DIAPH2: variants seen among roughly 807,000 people sequenced by gnomAD.
DIAPH2 encodes diaphanous related formin 2.
Under a neutral mutation model 92.7 loss-of-function variants are expected in DIAPH2, and 35 were observed. The observed-to-expected ratio is 0.38, with a 90% CI of 0.29 to 0.50. DIAPH2 has a LOEUF of 0.50. Ranked by LOEUF, DIAPH2 falls within the 20% of genes least tolerant of loss-of-function variation. DIAPH2 has a pLI of 0.94. For missense variants in DIAPH2, 701 were observed against 819.5 expected (o/e 0.86, Z 1.77); for synonymous variants, 301 against 280.4 (o/e 1.07, Z -0.73).
chrX:96,951,423 C>T (rs2065774218), intron 15 of DIAPH2, among the ~76,000 whole-genome samples: 1 of 111,693 alleles, frequency 9.0e-6, no homozygotes, highest in Non-Finnish European at 1.9e-5. Context: ...GCATAGACAC[C>T]TTGAGGACAG....
intron 1 of DIAPH2, among the ~76,000 whole-genome samples, chrX:96,718,358 T>TTTTTTTTTG: frequency 1.4e-5 from 1 of 69,416 alleles, no homozygotes; most frequent in Non-Finnish European, 2.8e-5. Flanking sequence ...TTTTTTTTTT[T>TTTTTTTTTG]TTTTTTTTTT....
At chrX:97,414,106 A>G (rs2069912065) in intron 25 of DIAPH2, among the ~76,000 whole-genome samples, 1 of 111,927 alleles carries the variant, frequency 8.9e-6, no homozygotes, top group Admixed American at 9.5e-5. Context: ...GACAATCCTA[A>G]GCCAAAAGAA....
intron 26 of DIAPH2, among the ~76,000 whole-genome samples, chrX:97,462,689 C>A (rs1209689859): frequency 9.0e-6 from 1 of 111,042 alleles, no homozygotes; most frequent in Non-Finnish European, 1.9e-5. Context: ...AAAAGGAATC[C>A]GATGATGCTC....
At chrX:97,395,905 G>T (rs1410419333) in intron 25 of DIAPH2, among the ~76,000 whole-genome samples, 1 of 112,149 alleles carries the variant, frequency 8.9e-6, no homozygotes, top group Non-Finnish European at 1.9e-5. Context: ...TCATCAATTT[G>T]TATGTAGAAG....
At chrX:97,296,939 G>A (rs1048664099) in intron 23 of DIAPH2, among the ~76,000 whole-genome samples, 15 of 110,055 alleles carry the variant, frequency 1.4e-4, no homozygotes, top group Non-Finnish European at 2.5e-4. Context: ...CACCACGCCC[G>A]GCTAATTTTG....
intron 24 of DIAPH2, among the ~76,000 whole-genome samples, chrX:97,378,652 A>G (rs986544245): frequency 8.9e-6 from 1 of 112,376 alleles, no homozygotes. Context: ...TTGAGGTTGC[A>G]GTAAGCTGAA....
rs773023687 is a variant in DIAPH2, at chrX:97,248,639, G to C, written c.2844+800G>C. 4.5e-5 allele frequency among the ~76,000 whole-genome samples: 5 copies of C among 111,433 alleles called. No homozygotes were observed. The East Asian group carries it at 1.4e-3, about 31-fold the overall frequency. ...AAATAAGTATCTTGAACTGCAGATT[G>C]ATTCACCATTTTATATCTTTAGAGG... On this transcript the variant is annotated intron_variant, in intron 23 of 26. Transcript: ENST00000324765.
In DIAPH2 at chrX:97,406,594, G is replaced by A. The variant is rs2069812068; in HGVS notation, c.3145+22550G>A. On this transcript the variant is annotated intron_variant, in intron 25 of 26. Transcript: ENST00000324765. Reference sequence around the variant, plus strand: ...CTATTGAAGACCCAGGATTCCATACGTCGTAAGAGTATAAGTAGTGTATTC... The same window carrying A: ...CTATTGAAGACCCAGGATTCCATACATCGTAAGAGTATAAGTAGTGTATTC... Among the ~76,000 whole-genome samples, 4 of 111,540 alleles carry A rather than the reference G, an allele frequency of 3.6e-5. No homozygotes were observed. The South Asian group carries it at 1.5e-3, about 42-fold the overall frequency.
At chrX:97,351,801 TCAAAA>T (rs1284445533) in intron 24 of DIAPH2, among the ~76,000 whole-genome samples, 1 of 110,222 alleles carries the variant, frequency 9.1e-6, no homozygotes, top group Non-Finnish European at 1.9e-5. Flanking sequence ...AGACTCCGTC[TCAAAA>T]CAAAACAAAA....
chrX:97,579,773 C>T (rs1316777456), intron 26 of DIAPH2, among the ~76,000 whole-genome samples: 20 of 110,435 alleles, frequency 1.8e-4, no homozygotes, highest in Non-Finnish European at 3.8e-4. Flanking sequence ...TGGCCATTTT[C>T]ACGATATTGA....
intron 26 of DIAPH2, among the ~76,000 whole-genome samples, chrX:97,546,321 T>C (rs1423315865): frequency 8.9e-6 from 1 of 111,821 alleles, no homozygotes; most frequent in Non-Finnish European, 1.9e-5. Context: ...TTTTCATCTT[T>C]CATCATTTTT....
chrX:97,582,715 T>C lies in DIAPH2; in HGVS notation c.3242-16538T>C, dbSNP rs1346451307. 3.6e-5 allele frequency among the ~76,000 whole-genome samples: 4 copies of C among 109,929 alleles called. No individual in the cohort carries two copies. In the East Asian group the frequency reaches 1.2e-3, roughly 32 times the overall value. On this transcript the variant is annotated intron_variant, in intron 26 of 26. Coordinates refer to ENST00000324765, the MANE Select transcript of DIAPH2 (RefSeq NM_006729.5). ...TCTCTGTATTTCCTGAATCTGAACG[T>C]TGGCCTGCCTTGCTAGATTGGGGAA... is the stretch of plus-strand genomic sequence containing the variant.
chrX:96,955,718 C>T (rs977697609), intron 15 of DIAPH2, among the ~76,000 whole-genome samples: 1 of 112,286 alleles, frequency 8.9e-6, no homozygotes, highest in Non-Finnish European at 1.9e-5. Context: ...ATAGGGCAGT[C>T]ATTAAACCTC....
chrX:96,864,291 C>CT (rs771042613), intron 4 of DIAPH2, among the ~76,000 whole-genome samples: 25,293 of 87,232 alleles, frequency 0.29, 3,595 homozygotes, highest in South Asian at 0.42. Flanking sequence ...TTTTGAGGCA[C>CT]TTTTTTTTTT....
chrX:97,018,204 C>G (rs986027634), intron 17 of DIAPH2, among the ~76,000 whole-genome samples: 2 of 112,151 alleles, frequency 1.8e-5, no homozygotes, highest in African/African-American at 6.5e-5. Context: ...GTGCAGCTGT[C>G]TTGTCATGTT....
chrX:97,067,398 A>G (rs1057268336), intron 17 of DIAPH2, among the ~76,000 whole-genome samples: 3 of 112,242 alleles, frequency 2.7e-5, no homozygotes, highest in African/African-American at 9.7e-5. Flanking sequence ...ATGTCAAAAA[A>G]TAGGAAATTA....
At chrX:97,257,237 A>G (rs981330691) in intron 23 of DIAPH2, among the ~76,000 whole-genome samples, 6 of 111,630 alleles carry the variant, frequency 5.4e-5, no homozygotes, top group Admixed American at 9.6e-5. Context: ...AACTATAATC[A>G]ATTTGAGAGG....
chrX:96,842,396 A>G (rs1004947261), intron 4 of DIAPH2, among the ~76,000 whole-genome samples: 1 of 112,139 alleles, frequency 8.9e-6, no homozygotes, highest in Non-Finnish European at 1.9e-5. Context: ...TCTAGGTGCT[A>G]GACATCATGC....
At chrX:96,952,640 CAGG>C (rs372876041) in intron 15 of DIAPH2, among the ~76,000 whole-genome samples, 1 of 110,399 alleles carries the variant, frequency 9.1e-6, no homozygotes, top group Non-Finnish European at 1.9e-5. Context: ...GAGGCTGGGG[CAGG>C]AGAATAGCTT....
Sources: allele counts gnomAD v4.1 joint callset (sites outside exome capture counted in the v4.1 genomes callset), GRCh38; gene constraint gnomAD v4.1.1; transcripts MANE v1.5; gene names NCBI Gene and HGNC (gene_info 2026-07-23, HGNC 2026-07-21).